Variants in SFXN5 observed in about 807,000 individuals in gnomAD.
SFXN5 encodes sideroflexin 5.
In SFXN5, 43 loss-of-function variants were observed where a neutral mutation model predicts 50.2. The ratio of observed to expected loss-of-function variants is 0.86; its 90% CI spans 0.67 to 1.11. The LOEUF (loss-of-function observed/expected upper bound fraction) is 1.11, where lower values mean the gene tolerates loss of function less well. Ranked by LOEUF, SFXN5 falls within the 50% of genes least tolerant of loss-of-function variation. SFXN5 has a pLI of 0.00. For missense variants in SFXN5, 463 were observed against 454.1 expected (o/e 1.02, Z -0.18); for synonymous variants, 203 against 185.8 (o/e 1.09, Z -0.75).
At position 73,058,523 on chromosome 2, in the gene SFXN5, C is replaced by T. The variant is rs1682423436; in HGVS notation, c.171+5G>A. ...AGGGCCACTGAGGTGACAGCCATGA[C>T]TTACCTCAGTGACAAAGAGTGTGCG... On this transcript the variant is annotated splice_donor_5th_base_variant and intron_variant, in intron 2 of 13. Coordinates refer to ENST00000272433, the MANE Select transcript of SFXN5 (RefSeq NM_144579.3). 3 of 1,613,768 alleles carry T rather than the reference C, an allele frequency of 1.9e-6. No individual in the cohort carries two copies. Among genetic ancestry groups the T allele is most frequent in the African/African-American group, 1.3e-5 (1 of 74,916 alleles).
rs776506297 is a variant in SFXN5, at chr2:73,071,667, A to AGCC, written c.36_38dup (p.Ala13dup). On this transcript the variant is annotated inframe_insertion, in exon 1 of 14. Transcript: ENST00000272433. ...CATCGCTCGAGGCGCTAGCGGCACT[A>AGCC]GCCGCCGCCGCCGATGCTGTAGTCG... 7 of 1,612,314 alleles carry AGCC rather than the reference A, an allele frequency of 4.3e-6. No homozygotes were observed. In the East Asian group the frequency reaches 6.7e-5, roughly 15 times the overall value.
rs577963132 is a variant in SFXN5 at position 72,996,161 on chromosome 2, C to T, written c.534+2788G>A. ...TGCGACTGAGTGTGAGTGGGGAGGA[C>T]AGGAGTTTCCAGGACTTGTGAGGAG... On this transcript the variant is annotated intron_variant, in intron 9 of 13. Coordinates refer to ENST00000272433, the MANE Select transcript of SFXN5 (RefSeq NM_144579.3). 7.2e-5 allele frequency among the ~76,000 whole-genome samples: 11 copies of T among 152,274 alleles called. No individual in the cohort carries two copies. The South Asian group carries it at 2.1e-3, about 29-fold the overall frequency.
rs1192507777 is a variant in SFXN5 at position 72,953,109 on chromosome 2, G to A, written c.946-8010C>T. 2.0e-5 allele frequency among the ~76,000 whole-genome samples: 3 copies of A among 152,218 alleles called. No individual in the cohort carries two copies. The highest frequency in any genetic ancestry group is 1.9e-4 in the East Asian group (1 of 5,166). Reference sequence around the variant, plus strand: ...TGCACGTGTATGTGTGCGAGCCTGTGTGCACGCGCAGGTTTGGGGTGGGGG... The same window carrying A: ...TGCACGTGTATGTGTGCGAGCCTGTATGCACGCGCAGGTTTGGGGTGGGGG... On this transcript the variant is annotated intron_variant, in intron 13 of 13. Transcript: ENST00000272433. The surrounding 1 kb of genome is among the most constrained non-coding windows in gnomAD (Gnocchi z 4.1).
chr2:72,955,920 G>C (rs906099010), intron 13 of SFXN5, among the ~76,000 whole-genome samples: 2 of 152,248 alleles, frequency 1.3e-5, no homozygotes, highest in African/African-American at 4.8e-5. Context: ...TAGCGGCCCC[G>C]GCAAGCTGCC....
chr2:73,069,649 G>A lies in SFXN5; in HGVS notation c.102+1955C>T, dbSNP rs1222815197. Among the ~76,000 whole-genome samples the A allele has an allele frequency of 3.9e-5, 6 of 152,096 alleles. 1 individual carries two copies. The highest frequency in any genetic ancestry group is 3.9e-4 in the East Asian group (2 of 5,190). ...AAGAGCAGTGCCAAAAAGAAGTACC[G>A]CTATGGCTGCAGGAACAGGGTAGCC... On this transcript the variant is annotated intron_variant, in intron 1 of 13. Transcript: ENST00000272433.
chr2:73,051,844 G>A lies in SFXN5; in HGVS notation c.171+6684C>T, dbSNP rs1277532391. On this transcript the variant is annotated intron_variant, in intron 2 of 13. Transcript: ENST00000272433. ...GGGGAGAAATATTGTTGTCTCACAG[G>A]GAAGAAGGCAGAAAGGCAAGAGACC... Among the ~76,000 whole-genome samples, 4 of 152,116 alleles carry A rather than the reference G, an allele frequency of 2.6e-5. No homozygotes were observed. In the East Asian group the frequency reaches 7.7e-4, roughly 29 times the overall value.
chr2:72,976,348 C>A (rs1670615409), intron 10 of SFXN5, among the ~76,000 whole-genome samples: 1 of 151,872 alleles, frequency 6.6e-6, no homozygotes, highest in South Asian at 2.1e-4. Flanking sequence ...ATTTTAAAGC[C>A]AGCAGGGATT....
Position 72,945,457 on chromosome 2 carries a change from A to G in SFXN5, c.946-358T>C, listed in dbSNP as rs1390107361. On this transcript the variant is annotated intron_variant, in intron 13 of 13. Transcript: ENST00000272433. This position sits in a 1 kb window ranked among gnomAD's most constrained non-coding sequence, Gnocchi z 5.8. ...AGCCCTGCCCAGGGCCATTCCCTGG[A>G]CCTGATGACCACCCAGGGCTGCTCC... Among the ~76,000 whole-genome samples, 1 of 151,662 alleles carries G rather than the reference A, an allele frequency of 6.6e-6. No individual in the cohort carries two copies. Among genetic ancestry groups the G allele is most frequent in the East Asian group, 2.0e-4 (1 of 5,124 alleles).
At chr2:73,033,891 C>T (rs190230233) in intron 3 of SFXN5, among the ~76,000 whole-genome samples, 2 of 152,276 alleles carry the variant, frequency 1.3e-5, no homozygotes, top group African/African-American at 4.8e-5. Flanking sequence ...AAGCTAATGG[C>T]ATCTACTGGG....
chr2:72,945,144 G>C lies in SFXN5; in HGVS notation c.946-45C>G, dbSNP rs761407231. 1 of 1,566,756 alleles carries C rather than the reference G, an allele frequency of 6.4e-7. No homozygotes were observed. The highest frequency in any genetic ancestry group is 1.7e-5 in the Admixed American group (1 of 59,002). The stretch of plus-strand genomic sequence containing the variant: ...AGGAAAAGTGGGGGAGTGGGAAGGG[G>C]CAAATAGTGGGGCTGGGAGCTGCAG... On this transcript the variant is annotated intron_variant, in intron 13 of 13. Coordinates refer to ENST00000272433, the MANE Select transcript of SFXN5 (RefSeq NM_144579.3). This position sits in a 1 kb window ranked among gnomAD's most constrained non-coding sequence, Gnocchi z 5.8.
At chr2:72,955,050 C>T (rs945048788) in intron 13 of SFXN5, among the ~76,000 whole-genome samples, 1 of 152,204 alleles carries the variant, frequency 6.6e-6, no homozygotes, top group African/African-American at 2.4e-5. Flanking sequence ...CTTGGGGCCA[C>T]GGGACAGCCC....
intron 6 of SFXN5, among the ~76,000 whole-genome samples, chr2:73,012,248 T>C (rs1675597390): frequency 6.6e-6 from 1 of 152,172 alleles, no homozygotes; most frequent in Non-Finnish European, 1.5e-5. Flanking sequence ...TTGAGGAGCA[T>C]CACAAGGACC....
chr2:73,070,486 A>G (rs1301584777), intron 1 of SFXN5: 1 of 152,260 alleles, frequency 6.6e-6, no homozygotes, highest in Non-Finnish European at 1.5e-5. Context: ...TTCTTCCTTC[A>G]AAGTTCTTTT....
intron 13 of SFXN5, among the ~76,000 whole-genome samples, chr2:72,959,738 G>A (rs373779866): frequency 6.6e-6 from 1 of 152,032 alleles, no homozygotes; most frequent in African/African-American, 2.4e-5. Context: ...TCCCAAAATC[G>A]TCCTGTCAGC....
At chr2:73,043,066 CAATAAATA>C (rs1301026795) in intron 2 of SFXN5, among the ~76,000 whole-genome samples, 6 of 152,094 alleles carry the variant, frequency 3.9e-5, no homozygotes, top group East Asian at 1.9e-4. Flanking sequence ...AGCCTGTCTC[CAATAAATA>C]AATAAATAAA....
chr2:73,057,144 A>AT lies in SFXN5; in HGVS notation c.171+1383dup, dbSNP rs879594485. Among the ~76,000 whole-genome samples, 130 of 150,230 alleles carry AT rather than the reference A, an allele frequency of 8.7e-4. 1 individual carries two copies. The highest frequency in any genetic ancestry group is 3.4e-3 in the Middle Eastern group (1 of 292). On this transcript the variant is annotated intron_variant, in intron 2 of 13. Transcript: ENST00000272433. The stretch of plus-strand genomic sequence containing the variant: ...AATGACACAAATGAATCCCAAAAGC[A>AT]TTTTTTTTTTAAAAGATAGGGTCTC...
Position 72,950,472 on chromosome 2 carries a change from T to C in SFXN5, c.946-5373A>G, listed in dbSNP as rs762569090. 1.1e-4 allele frequency among the ~76,000 whole-genome samples: 16 copies of C among 152,184 alleles called. No individual in the cohort carries two copies. The highest frequency in any genetic ancestry group is 2.1e-4 in the Non-Finnish European group (14 of 68,012). On this transcript the variant is annotated intron_variant, in intron 13 of 13. Transcript: ENST00000272433. This position sits in a 1 kb window ranked among gnomAD's most constrained non-coding sequence, Gnocchi z 4.2. ...TGGCCATGGCCAGGTGTTGGGTCAG[T>C]GGCCACCATCTCTAGGTCTCATGGG...
chr2:73,003,665 C>T (rs953140454), intron 6 of SFXN5, among the ~76,000 whole-genome samples: 7 of 152,250 alleles, frequency 4.6e-5, no homozygotes, highest in African/African-American at 1.7e-4. Context: ...CTTCTGGCTT[C>T]ATTTTATCTT....
At chr2:72,993,253 T>A (rs1055220257) in intron 9 of SFXN5, among the ~76,000 whole-genome samples, 1 of 152,016 alleles carries the variant, frequency 6.6e-6, no homozygotes, top group African/African-American at 2.4e-5. Context: ...GTACCAAAAA[T>A]ATCCACCAGA....
Sources: allele counts gnomAD v4.1 joint callset (sites outside exome capture counted in the v4.1 genomes callset), GRCh38; gene constraint gnomAD v4.1.1; non-coding constraint Gnocchi (gnomAD v3.1); transcripts MANE v1.5; gene names NCBI Gene and HGNC (gene_info 2026-07-23, HGNC 2026-07-21).